The following ARHGAP17 variants were observed in gnomAD, a reference collection of about 807,000 sequenced individuals.
The protein encoded by ARHGAP17 is rho GTPase-activating protein 17.
A neutral mutation model predicts 99.5 loss-of-function variants in ARHGAP17; 57 were observed. The observed-to-expected ratio is 0.57, with a 90% CI of 0.46 to 0.71. The LOEUF (loss-of-function observed/expected upper bound fraction) is 0.71, where lower values mean the gene tolerates loss of function less well. Ranked by LOEUF, ARHGAP17 falls within the 30% of genes least tolerant of loss-of-function variation. ARHGAP17 has a pLI of 0.00. For missense variants in ARHGAP17, 1,000 were observed against 1,122.4 expected, an observed-to-expected ratio of 0.89 and a Z score of 1.56; for synonymous variants, 417 against 429.6, an observed-to-expected ratio of 0.97 and a Z score of 0.36.
intron 1 of ARHGAP17, among the ~76,000 whole-genome samples, chr16:24,996,240 T>G (rs1275517150): frequency 6.6e-6 from 1 of 152,164 alleles, no homozygotes; most frequent in Non-Finnish European, 1.5e-5. Context: ...AACCTACCAG[T>G]GGAGTAACAG....
chr16:24,925,327 C>A (rs1032007326), intron 19 of ARHGAP17, among the ~76,000 whole-genome samples: 10 of 152,102 alleles, frequency 6.6e-5, no homozygotes, highest in African/African-American at 1.4e-4. Context: ...TGCCGTGTGC[C>A]AAGATTGCAC....
rs1365047006 is a variant in ARHGAP17 at position 24,954,565 on chromosome 16, T to G, written c.852+38A>C. The G allele has an allele frequency of 1.9e-6, 3 of 1,596,110 alleles. No individual in the cohort carries two copies. In the Admixed American group the frequency reaches 5.1e-5, roughly 27 times the overall value. On this transcript the variant is annotated intron_variant, in intron 10 of 19. Transcript: ENST00000289968. ...GGTGCTCTGGGTACAACAAGGGGCATGGAGACTTGGTGCACAGGATCACGA... is the reference window on the plus strand; with the variant it reads ...GGTGCTCTGGGTACAACAAGGGGCAGGGAGACTTGGTGCACAGGATCACGA...
chr16:25,015,068 G>A, intron 1 of ARHGAP17, 141 bp downstream of exon 1: 1 of 828,436 alleles, frequency 1.2e-6, no homozygotes, highest in Non-Finnish European at 1.5e-6. Flanking sequence ...CGCAGCCCCC[G>A]GGCCCGTGCC....
At chr16:24,936,384 T>C (rs1412812399) in intron 17 of ARHGAP17, 1 of 152,794 alleles carries the variant, frequency 6.5e-6, no homozygotes, top group Non-Finnish European at 1.5e-5. Flanking sequence ...GTAATGTACA[T>C]AAAAATACCT....
intron 1 of ARHGAP17, among the ~76,000 whole-genome samples, chr16:25,014,163 AAAAG>A (rs1567277928): frequency 6.6e-6 from 1 of 152,208 alleles, no homozygotes; most frequent in Non-Finnish European, 1.5e-5. Context: ...ACACTCAAAA[AAAAG>A]AAGTGTCCCA....
intron 1 of ARHGAP17, among the ~76,000 whole-genome samples, chr16:25,003,683 G>A (rs1165710476): frequency 6.6e-6 from 1 of 152,018 alleles, no homozygotes; most frequent in Non-Finnish European, 1.5e-5. Context: ...AATTAGCCGG[G>A]AGTGGTAGTG....
At position 24,977,999 on chromosome 16, in the gene ARHGAP17, G is replaced by A. The variant is rs145327956; in HGVS notation, c.94-680C>T. ...CCCAAACCATTTTACGCATCGAGAT[G>A]GTCTGTGCCTCTTTCTCAAAAGGGC... On this transcript the variant is annotated intron_variant, in intron 2 of 19. Coordinates refer to ENST00000289968, the MANE Select transcript of ARHGAP17 (RefSeq NM_001006634.3). 1.3e-3 allele frequency among the ~76,000 whole-genome samples: 200 copies of A among 152,250 alleles called. No homozygotes were observed. In the South Asian group the frequency reaches 0.028, roughly 21 times the overall value.
At position 24,959,685 on chromosome 16, in the gene ARHGAP17, A is replaced by G. The variant is rs995283849; in HGVS notation, c.710T>C (p.Met237Thr). 1.2e-6 allele frequency: 2 copies of G among 1,614,092 alleles called. No homozygotes were observed. The highest frequency in any genetic ancestry group is 3.3e-5 in the Admixed American group (2 of 59,998). The change falls in exon 9 of 20, where the codon ATG becomes ACG. Residue 237 changes from methionine to threonine, a missense_variant. Physicochemically the swap from Met to Thr is moderately conservative, Grantham distance 81. Coordinates refer to ENST00000289968, the MANE Select transcript of ARHGAP17 (RefSeq NM_001006634.3). ...GGTTACATTACCTTGATGGGCTCGCATTTCGGGGAGGGTCTTTTCTAAGAC... is the reference window on the plus strand; with the variant it reads ...GGTTACATTACCTTGATGGGCTCGCGTTTCGGGGAGGGTCTTTTCTAAGAC... ...LAVLEKTLPE[M>T]RAHQDKWAEK...
chr16:24,927,886 T>C (rs970493271), intron 19 of ARHGAP17, among the ~76,000 whole-genome samples: 5 of 152,238 alleles, frequency 3.3e-5, no homozygotes, highest in African/African-American at 1.2e-4. Context: ...GATGCCAGAA[T>C]GCCGGCATCC....
chr16:24,991,033 A>C (rs565327164), intron 1 of ARHGAP17, among the ~76,000 whole-genome samples: 53 of 152,166 alleles, frequency 3.5e-4, no homozygotes, highest in Non-Finnish European at 1.5e-4. Flanking sequence ...AGACAGAGTA[A>C]ACTCAGTTGT....
chr16:24,927,233 T>C (rs2050866954), intron 19 of ARHGAP17, among the ~76,000 whole-genome samples: 1 of 152,228 alleles, frequency 6.6e-6, no homozygotes, highest in Non-Finnish European at 1.5e-5. Context: ...ATTGCGCGTA[T>C]ATTAAGAACT....
intron 1 of ARHGAP17, among the ~76,000 whole-genome samples, chr16:24,993,302 G>A (rs1469912781): frequency 6.6e-6 from 1 of 152,014 alleles, no homozygotes; most frequent in Non-Finnish European, 1.5e-5. Context: ...AAAGTAATGG[G>A]CAGCCGGGCA....
At chr16:24,936,392 C>T (rs1266572480) in intron 17 of ARHGAP17, 1 of 152,756 alleles carries the variant, frequency 6.5e-6, no homozygotes, top group African/African-American at 2.4e-5. Context: ...CATAAAAATA[C>T]CTACAGAATA....
chr16:24,939,633 G>T, intron 16 of ARHGAP17, 36 bp from the exon 17 acceptor site: 1 of 1,558,804 alleles, frequency 6.4e-7, no homozygotes, highest in South Asian at 1.2e-5. Context: ...CACACCATGC[G>T]AGCAGACTAC....
intron 1 of ARHGAP17, among the ~76,000 whole-genome samples, chr16:24,983,038 T>A (rs2052751054): frequency 1.6e-5 from 2 of 123,920 alleles, no homozygotes; most frequent in Admixed American, 9.3e-5. Flanking sequence ...AGGGTCTCGT[T>A]CTGTCACCCA....
intron 1 of ARHGAP17, among the ~76,000 whole-genome samples, chr16:25,011,457 C>G (rs1567275541): frequency 6.6e-6 from 1 of 152,188 alleles, no homozygotes; most frequent in African/African-American, 2.4e-5. Context: ...GTAATCCCAG[C>G]ACTTTGGGAG....
chr16:24,971,073 T>C (rs890583405), intron 3 of ARHGAP17, among the ~76,000 whole-genome samples: 1 of 152,152 alleles, frequency 6.6e-6, no homozygotes, highest in African/African-American at 2.4e-5. Context: ...ATGGGGTATG[T>C]TGACCAGGCT....
At position 24,920,169 on chromosome 16, in the gene ARHGAP17, C is replaced by G. The variant is rs2050682767; in HGVS notation, c.2607G>C (p.Leu869=). The change falls in exon 20 of 20, where the codon CTG becomes CTC. Residue 869 remains leucine (L), a synonymous_variant. Coordinates refer to ENST00000289968, the MANE Select transcript of ARHGAP17 (RefSeq NM_001006634.3). ...SASKDVPGRI[L]LDIDNDTEST... ...TCTCGGTATCATTGTCTATATCCAGCAGGATGCGGCCAGGCACGTCTTTGC... is the reference window on the plus strand; with the variant it reads ...TCTCGGTATCATTGTCTATATCCAGGAGGATGCGGCCAGGCACGTCTTTGC... The G allele has an allele frequency of 1.2e-6, 2 of 1,614,030 alleles. No homozygotes were observed. Among genetic ancestry groups the G allele is most frequent in the African/African-American group, 2.7e-5 (2 of 74,922 alleles).
At chr16:24,945,825 C>T (rs866900601) in intron 14 of ARHGAP17, among the ~76,000 whole-genome samples, 1 of 152,140 alleles carries the variant, frequency 6.6e-6, no homozygotes, top group African/African-American at 2.4e-5. Flanking sequence ...TACTGGAAAG[C>T]TAATAAGGGT....
Sources: allele counts gnomAD v4.1 joint callset (sites outside exome capture counted in the v4.1 genomes callset), GRCh38; gene constraint gnomAD v4.1.1; transcripts MANE v1.5; gene names NCBI Gene and HGNC (gene_info 2026-07-23, HGNC 2026-07-21).